The following NAA15 variants were observed in gnomAD, a reference collection of about 807,000 sequenced individuals.
NAA15 encodes the protein N-terminal acetyltransferase.
A neutral mutation model predicts 114.0 loss-of-function variants in NAA15; 34 were observed. That is an observed-to-expected ratio of 0.30 (90% CI 0.23 to 0.40). The LOEUF (loss-of-function observed/expected upper bound fraction) is 0.40, where lower values mean the gene tolerates loss of function less well. Among genes scored for constraint, NAA15 ranks in the 10% least tolerant of loss-of-function variants. The pLI is 1.00. For synonymous variants in NAA15, 340 were observed against 338.0 expected (o/e 1.01, Z -0.06); for missense variants, 658 against 1,004.5 (o/e 0.66, Z 4.66).
chr4:139,373,383 G>T (rs553600404), intron 15 of NAA15, among the ~76,000 whole-genome samples: 1 of 152,066 alleles, frequency 6.6e-6, no homozygotes, highest in Non-Finnish European at 1.5e-5. Flanking sequence ...TAAAAATAGG[G>T]CATTCTAATC....
At chr4:139,314,993 C>T (rs117215026) in intron 1 of NAA15, among the ~76,000 whole-genome samples, 2,143 of 15,844 alleles carry the variant, frequency 0.14, 124 homozygotes, top group Middle Eastern at 0.27. Flanking sequence ...GCGTTCAGTT[C>T]AGTTCAGTTT....
chr4:139,361,612 A>T (rs1435295010), intron 13 of NAA15, 112 bp from the exon 14 acceptor site: 2 of 647,592 alleles, frequency 3.1e-6, no homozygotes, highest in African/African-American at 3.7e-5. Context: ...TTTTTTTAAA[A>T]TTTTACTAGT....
chr4:139,354,703 A>T (rs974231666), intron 10 of NAA15, among the ~76,000 whole-genome samples: 19 of 152,194 alleles, frequency 1.2e-4, no homozygotes, highest in African/African-American at 4.6e-4. Flanking sequence ...CTCAGCTTCA[A>T]TAATTTTTAA....
chr4:139,308,923 C>T (rs554643573), intron 1 of NAA15, among the ~76,000 whole-genome samples: 142 of 151,852 alleles, frequency 9.4e-4, no homozygotes, highest in African/African-American at 3.2e-3. Flanking sequence ...TGCCGGTAAT[C>T]GTAAATTTAA....
chr4:139,354,042 A>G lies in NAA15; in HGVS notation c.1031A>G (p.Glu344Gly), dbSNP rs1306033610. ...GTACTCTAGGTGGCAATCATAGAAG[A>G]GTTAGTAGTAGGTTATGAAACCTCT... ...KDKEKVAIIE[E>G]LVVGYETSLK... Residue 344 changes from glutamate to glycine, a missense_variant, in exon 10 of 20, where the codon GAG becomes GGG. Physicochemically the swap from Glu to Gly is moderately conservative, Grantham distance 98. Around this residue, in one of 6 missense-constraint regions of NAA15, gnomAD observed 281 missense variants for 389.1 expected, o/e 0.72. Transcript: ENST00000296543. 6.2e-7 allele frequency: 1 copy of G among 1,613,398 alleles called. No individual in the cohort carries two copies.
At chr4:139,337,140 T>G (rs991378374) in intron 3 of NAA15, among the ~76,000 whole-genome samples, 188 bp downstream of exon 3, 3 of 152,222 alleles carry the variant, frequency 2.0e-5, no homozygotes, top group Non-Finnish European at 4.4e-5. Context: ...TAACATTCTC[T>G]TATTTCACAG....
At chr4:139,324,502 G>GA (rs1746725387) in intron 1 of NAA15, among the ~76,000 whole-genome samples, 1 of 152,210 alleles carries the variant, frequency 6.6e-6, no homozygotes, top group Non-Finnish European at 1.5e-5. Flanking sequence ...GTGGAGAACT[G>GA]AAAATGTCTG....
intron 17 of NAA15, 74 bp downstream of exon 17, chr4:139,378,928 GT>G: frequency 1.1e-6 from 1 of 919,358 alleles, no homozygotes; most frequent in Non-Finnish European, 1.6e-6. Context: ...GTCTGTACAA[GT>G]TTATCATAAA....
At chr4:139,370,753 G>A (rs72726524) in intron 15 of NAA15, among the ~76,000 whole-genome samples, 5,134 of 152,194 alleles carry the variant, frequency 0.034, 134 homozygotes, top group Middle Eastern at 0.075. Context: ...CTATAAAATG[G>A]AACTAAGAAA....
intron 1 of NAA15, among the ~76,000 whole-genome samples, chr4:139,309,426 AGTGTGTGTGTGTGT>A (rs70943412): frequency 0.35 from 50,435 of 143,456 alleles, 10,113 homozygotes; most frequent in East Asian, 0.48. Context: ...TTGCTTTTTA[AGTGTGTGTGTGTGT>A]GTGTGTGTGT....
chr4:139,327,136 T>C (rs1746828835), intron 1 of NAA15, among the ~76,000 whole-genome samples: 1 of 152,124 alleles, frequency 6.6e-6, no homozygotes, highest in African/African-American at 2.4e-5. Flanking sequence ...AAGGTCTCAC[T>C]ATGTTATGCA....
chr4:139,324,442 C>T (rs1746723598), intron 1 of NAA15, among the ~76,000 whole-genome samples: 1 of 152,160 alleles, frequency 6.6e-6, no homozygotes, highest in African/African-American at 2.4e-5. Context: ...ACAAGAGTTT[C>T]AGATGAGGGA....
chr4:139,304,502 G>A (rs1579076260), intron 1 of NAA15, among the ~76,000 whole-genome samples: 1 of 152,174 alleles, frequency 6.6e-6, no homozygotes. Flanking sequence ...AAATTTGCAG[G>A]TGTTTGAGTC....
At chr4:139,307,235 C>T (rs904516839) in intron 1 of NAA15, among the ~76,000 whole-genome samples, 1 of 152,156 alleles carries the variant, frequency 6.6e-6, no homozygotes, top group Non-Finnish European at 1.5e-5. Context: ...GTTATCTGCT[C>T]TAATATGATA....
intron 16 of NAA15, among the ~76,000 whole-genome samples, chr4:139,376,683 A>G (rs1748590435): frequency 6.6e-6 from 1 of 152,268 alleles, no homozygotes; most frequent in Admixed American, 6.5e-5. Context: ...TGATAGATGT[A>G]CATAACATAA....
At chr4:139,346,231 G>A (rs561935350) in intron 6 of NAA15, among the ~76,000 whole-genome samples, 37 of 152,214 alleles carry the variant, frequency 2.4e-4, no homozygotes, top group African/African-American at 8.4e-4. Context: ...TGTAAGTGGC[G>A]GGCAAGTAAA....
At position 139,385,276 on chromosome 4, in the gene NAA15, T is replaced by TATATATAATATATATATATATATA. The variant is rs200051047; in HGVS notation, c.2302+306_2302+329dup. Among the ~76,000 whole-genome samples the TATATATAATATATATATATATATA allele has an allele frequency of 3.8e-3, 348 of 90,526 alleles. 10 individuals are homozygous for TATATATAATATATATATATATATA. The highest frequency in any genetic ancestry group is 0.018 in the African/African-American group (310 of 17,320). 59.4% of individuals were successfully genotyped at this position (90,526 alleles called of 152,430 possible). A position where few individuals can be genotyped will look rare whatever the true frequency, so the allele number is the denominator to read the frequency against. On this transcript the variant is annotated intron_variant, in intron 18 of 19. Coordinates refer to ENST00000296543, the MANE Select transcript of NAA15 (RefSeq NM_057175.5). ...AAATCAAAACAAAACCAAACATATATATATATAATATATATATATATATAA... is the reference window on the plus strand; with the variant it reads ...AAATCAAAACAAAACCAAACATATATATATATAATATATATATATATATAATATATAATATATATATATATATAA...
intron 6 of NAA15, among the ~76,000 whole-genome samples, chr4:139,346,822 A>G (rs944589362): frequency 6.6e-6 from 1 of 152,206 alleles, no homozygotes; most frequent in Admixed American, 6.5e-5. Flanking sequence ...CACCCAGCCT[A>G]GGCAAAATTT....
intron 9 of NAA15, 61 bp downstream of exon 9, chr4:139,351,672 T>C: frequency 2.3e-6 from 2 of 866,138 alleles, no homozygotes; most frequent in Non-Finnish European, 2.0e-6. Context: ...TTTGGAATTA[T>C]TGATTCTTGA....
Sources: allele counts gnomAD v4.1 joint callset (sites outside exome capture counted in the v4.1 genomes callset), GRCh38; gene constraint gnomAD v4.1.1; regional missense constraint gnomAD v4.1.1; transcripts MANE v1.5; gene names NCBI Gene and HGNC (gene_info 2026-07-23, HGNC 2026-07-21).